The following TMEM131L variants were observed in gnomAD, a reference collection of about 807,000 sequenced individuals.
TMEM131L encodes transmembrane protein 131-like.
In TMEM131L, 54 loss-of-function variants were observed where a neutral mutation model predicts 192.2. The ratio of observed to expected loss-of-function variants is 0.28; its 90% confidence interval spans 0.23 to 0.35. The LOEUF (loss-of-function observed/expected upper bound fraction) is 0.35, where lower values mean the gene tolerates loss of function less well. TMEM131L is among the 10% of genes least tolerant of loss of function. The pLI, the probability that TMEM131L is intolerant of heterozygous loss-of-function variation, is 1.00. For synonymous variants in TMEM131L, 701 were observed against 704.9 expected, an observed-to-expected ratio of 0.99 and a Z score of 0.09; for missense variants, 1,888 against 1,972.9, an observed-to-expected ratio of 0.96 and a Z score of 0.82.
At chr4:153,545,799 T>C (rs957746058) in intron 3 of TMEM131L, among the ~76,000 whole-genome samples, 1 of 152,194 alleles carries the variant, frequency 6.6e-6, no homozygotes, top group African/African-American at 2.4e-5. Flanking sequence ...AAATAAGGAC[T>C]AAGAGTGTGT....
At chr4:153,583,377 C>G (rs532249924) in intron 10 of TMEM131L, 129 bp downstream of exon 10, 1 of 765,710 alleles carries the variant, frequency 1.3e-6, no homozygotes, top group South Asian at 1.5e-5. Context: ...AATTTAAGCC[C>G]ATTTGCCCTT....
chr4:153,621,009 C>A (rs3761657), intron 27 of TMEM131L, 129 bp downstream of exon 27: 397,575 of 630,840 alleles, frequency 0.63, 127,929 homozygotes, highest in African/African-American at 0.89. Context: ...AAATGTTTAT[C>A]TCTTAAGATT....
At chr4:153,582,263 T>TA in intron 9 of TMEM131L, among the ~76,000 whole-genome samples, 1 of 152,140 alleles carries the variant, frequency 6.6e-6, no homozygotes. Flanking sequence ...TTGTTTTTTT[T>TA]AGACAGGATT....
chr4:153,622,781 C>T, intron 28 of TMEM131L, 117 bp from the exon 29 acceptor site: 3 of 920,548 alleles, frequency 3.3e-6, no homozygotes, highest in Non-Finnish European at 5.3e-6. Flanking sequence ...GCTAGATGAG[C>T]AGAGGTAGCT....
At chr4:153,577,052 C>T (rs979630399) in intron 7 of TMEM131L, among the ~76,000 whole-genome samples, 1 of 152,070 alleles carries the variant, frequency 6.6e-6, no homozygotes, top group Non-Finnish European at 1.5e-5. Flanking sequence ...GCTGTGGTGT[C>T]TGAGAGGGTA....
Position 153,557,070 on chromosome 4 carries a change from C to T in TMEM131L, c.537C>T (p.Val179=), listed in dbSNP as rs10001845. ...SLFINTSSYG[V]LSYHVSGIGT... ...TTATTAATACCTCTTCGTATGGAGTCCTTTCCTATCATGTGAGTAACTTTT... is the reference window on the plus strand; with the variant it reads ...TTATTAATACCTCTTCGTATGGAGTTCTTTCCTATCATGTGAGTAACTTTT... The change falls in exon 6 of 35, where the codon GTC becomes GTT. Residue 179 remains valine (V), a synonymous_variant. Coordinates refer to ENST00000409959, the MANE Select transcript of TMEM131L (RefSeq NM_001131007.2). 0.25 allele frequency: 360,811 copies of T among 1,447,084 alleles called. 52,558 individuals are homozygous for T. Among genetic ancestry groups the T allele is most frequent in the East Asian group, 0.51 (22,516 of 43,854 alleles). 89.6% of individuals were successfully genotyped at this position (1,447,084 alleles called of 1,614,324 possible). A position where few individuals can be genotyped will look rare whatever the true frequency, so the allele number is the denominator to read the frequency against.
chr4:153,567,797 C>A (rs1485693978), intron 7 of TMEM131L, among the ~76,000 whole-genome samples: 1 of 152,142 alleles, frequency 6.6e-6, no homozygotes, highest in East Asian at 1.9e-4. Context: ...ACTGCCTGGG[C>A]CTCCCAAAGT....
intron 3 of TMEM131L, among the ~76,000 whole-genome samples, chr4:153,496,530 A>G (rs1173273593): frequency 6.6e-6 from 1 of 152,132 alleles, no homozygotes; most frequent in Admixed American, 6.5e-5. Flanking sequence ...TTTGTTAGTG[A>G]AAGATTTAGG....
At chr4:153,561,294 A>G (rs564127671) in intron 7 of TMEM131L, among the ~76,000 whole-genome samples, 83 of 152,334 alleles carry the variant, frequency 5.4e-4, no homozygotes, top group Middle Eastern at 6.8e-3. Context: ...TATCAGGTAC[A>G]TGGTTTGCAA....
chr4:153,486,777 C>T (rs1233460370), intron 3 of TMEM131L, among the ~76,000 whole-genome samples: 2 of 152,336 alleles, frequency 1.3e-5, no homozygotes, highest in East Asian at 3.9e-4. Flanking sequence ...CTCACCCACC[C>T]ACGCCTGTGG....
At chr4:153,609,184 G>A (rs897102344) in intron 25 of TMEM131L, among the ~76,000 whole-genome samples, 3 of 152,158 alleles carry the variant, frequency 2.0e-5, no homozygotes, top group Non-Finnish European at 4.4e-5. Flanking sequence ...AGTTCTGTGG[G>A]CTGTACAGGC....
intron 33 of TMEM131L, 196 bp downstream of exon 33, chr4:153,634,476 C>A: frequency 1.9e-6 from 1 of 523,524 alleles, no homozygotes; most frequent in South Asian, 2.6e-5. Flanking sequence ...CCTCAAAAAG[C>A]CCTCAATTTT....
At chr4:153,502,565 T>G (rs530334568) in intron 3 of TMEM131L, among the ~76,000 whole-genome samples, 1 of 152,244 alleles carries the variant, frequency 6.6e-6, no homozygotes, top group African/African-American at 2.4e-5. Context: ...CATTAAACCA[T>G]AGAAGCTTTT....
chr4:153,598,292 A>G (rs902328414), intron 20 of TMEM131L, among the ~76,000 whole-genome samples: 1 of 151,748 alleles, frequency 6.6e-6, no homozygotes, highest in Non-Finnish European at 1.5e-5. Flanking sequence ...TCTAGTTATT[A>G]GAAAAATATA....
At chr4:153,614,298 G>T (rs192354260) in intron 26 of TMEM131L, among the ~76,000 whole-genome samples, 1 of 152,350 alleles carries the variant, frequency 6.6e-6, no homozygotes, top group East Asian at 1.9e-4. Context: ...CCTAGGTCTT[G>T]ATGGGAAGCA....
rs1303653197 is a variant in TMEM131L at position 153,623,000 on chromosome 4, G to A, written c.3962G>A (p.Gly1321Asp). Reference sequence around the variant, plus strand: ...TCTGGCAGCGTGCGTGCCAGCCGGGGCAGCTGGGGGAGCTGGAGCAGCACC... The same window carrying A: ...TCTGGCAGCGTGCGTGCCAGCCGGGACAGCTGGGGGAGCTGGAGCAGCACC... The part of the protein sequence containing the change: ...SSSGSVRASR[G>D]SWGSWSSTSS... The change falls in exon 29 of 35, where the codon GGC becomes GAC. Residue 1321 changes from glycine (G) to aspartate (D), a missense_variant. Coordinates refer to ENST00000409959, the MANE Select transcript of TMEM131L (RefSeq NM_001131007.2). 1.2e-6 allele frequency: 2 copies of A among 1,614,192 alleles called. No individual in the cohort carries two copies. Among genetic ancestry groups the A allele is most frequent in the South Asian group, 1.1e-5 (1 of 91,084 alleles).
intron 3 of TMEM131L, among the ~76,000 whole-genome samples, chr4:153,483,388 A>G (rs973635861): frequency 6.6e-6 from 1 of 152,212 alleles, no homozygotes; most frequent in Non-Finnish European, 1.5e-5. Context: ...AAAGAGCTAG[A>G]CAAATCCAAC....
At chr4:153,524,059 A>G (rs17278834) in intron 3 of TMEM131L, among the ~76,000 whole-genome samples, 23,745 of 151,736 alleles carry the variant, frequency 0.16, 2,382 homozygotes, top group Non-Finnish European at 0.22. Context: ...TCATCACCCA[A>G]TCTCCTGGCT....
intron 7 of TMEM131L, among the ~76,000 whole-genome samples, chr4:153,578,582 G>A (rs1285973546): frequency 2.0e-5 from 3 of 149,588 alleles, no homozygotes; most frequent in Non-Finnish European, 4.4e-5. Flanking sequence ...GTGCAGTGGC[G>A]CGATCTCGGC....
Sources: allele counts gnomAD v4.1 joint callset (sites outside exome capture counted in the v4.1 genomes callset), GRCh38; gene constraint gnomAD v4.1.1; transcripts MANE v1.5; gene names NCBI Gene and HGNC (gene_info 2026-07-23, HGNC 2026-07-21).